Variants in STAMBPL1 observed in about 807,000 individuals in gnomAD.
The protein encoded by STAMBPL1 is STAM binding protein like 1, also known as AMSH-like protease.
Under a neutral mutation model 52.9 loss-of-function variants are expected in STAMBPL1, and 44 were observed. That is an observed-to-expected ratio of 0.83 (90% CI 0.65 to 1.07). The LOEUF (loss-of-function observed/expected upper bound fraction) is 1.07. Ranked by LOEUF, STAMBPL1 falls within the 50% of genes least tolerant of loss-of-function variation. The pLI is 0.00. For missense variants in STAMBPL1, 511 were observed against 520.8 expected (o/e 0.98, Z 0.18); for synonymous variants, 164 against 177.3 (o/e 0.92, Z 0.60).
chr10:88,917,858 A>T (rs1845408963), intron 8 of STAMBPL1, among the ~76,000 whole-genome samples: 1 of 152,144 alleles, frequency 6.6e-6, no homozygotes, highest in African/African-American at 2.4e-5. Flanking sequence ...ACCAGCATTG[A>T]TGTCTAGTGA....
At chr10:88,903,102 G>T (rs1287256797) in intron 2 of STAMBPL1, among the ~76,000 whole-genome samples, 1 of 152,090 alleles carries the variant, frequency 6.6e-6, no homozygotes, top group African/African-American at 2.4e-5. Context: ...AAATTTTATT[G>T]TATATGTCAC....
At chr10:88,896,853 T>TGCAC (rs60418672) in intron 1 of STAMBPL1, among the ~76,000 whole-genome samples, 8,106 of 151,122 alleles carry the variant, frequency 0.054, 558 homozygotes, top group African/African-American at 0.16. Flanking sequence ...CACACATACA[T>TGCAC]GCACGCACGC....
rs899092176 is a variant in STAMBPL1 at position 88,922,387 on chromosome 10, G to T, written c.1205G>T (p.Cys402Phe). 1.9e-6 allele frequency: 3 copies of T among 1,613,274 alleles called. No individual in the cohort carries two copies. The change falls in exon 10 of 11, where the codon TGT (cysteine) becomes TTT (phenylalanine). Residue 402 changes from cysteine (C) to phenylalanine (F), a missense_variant. Cys to Phe is a radical substitution (Grantham distance 205). Around this residue, in one of 3 missense-constraint regions of STAMBPL1, gnomAD observed 137 missense variants for 139.9 expected, o/e 0.98. Coordinates refer to ENST00000371926, the MANE Select transcript of STAMBPL1 (RefSeq NM_020799.4). ...TNAGMLEVSA[C>F]KKKGFHPHTK... is the part of the protein sequence containing the mutation. ...GCTGGCATGCTTGAGGTTTCTGCTT[G>T]TAAAAAAAAGGGCTTTCATCCACAC...
intron 5 of STAMBPL1, among the ~76,000 whole-genome samples, chr10:88,911,941 C>T (rs879857505): frequency 5.9e-5 from 9 of 152,144 alleles, no homozygotes; most frequent in South Asian, 2.1e-4. Flanking sequence ...CTCCTTTCCA[C>T]GGTCAGCAAT....
chr10:88,921,260 A>G, intron 8 of STAMBPL1, 23 bp from the exon 9 acceptor site: 2 of 1,588,416 alleles, frequency 1.3e-6, no homozygotes, highest in East Asian at 2.2e-5. Context: ...TCCTAGTAAG[A>G]TTATCTTATT....
intron 1 of STAMBPL1, among the ~76,000 whole-genome samples, chr10:88,890,127 C>T (rs973621468): frequency 1.3e-5 from 2 of 152,122 alleles, no homozygotes; most frequent in African/African-American, 4.8e-5. Context: ...GGATGGGGTG[C>T]CTTTGCATTG....
At chr10:88,918,199 C>T (rs1438989695) in intron 8 of STAMBPL1, among the ~76,000 whole-genome samples, 3 of 151,942 alleles carry the variant, frequency 2.0e-5, no homozygotes, top group African/African-American at 4.8e-5. Context: ...ATTCTGGGGA[C>T]CTCCAAGTGC....
chr10:88,887,936 C>T (rs1844579791), intron 1 of STAMBPL1, among the ~76,000 whole-genome samples: 1 of 152,186 alleles, frequency 6.6e-6, no homozygotes. Context: ...ATTCTTTCTT[C>T]TACTTTTATG....
chr10:88,914,684 A>ATATATATATATG (rs761315592), intron 7 of STAMBPL1, 26 bp downstream of exon 7: 20 of 1,001,452 alleles, frequency 2.0e-5, no homozygotes, highest in Admixed American at 8.2e-5. Context: ...ATAAATATAT[A>ATATATATATATG]TATATATATA....
In STAMBPL1 at chr10:88,910,785, T is replaced by G. The variant is rs138952259; in HGVS notation, c.325-131T>G. 460 of 556,430 alleles carry G rather than the reference T, an allele frequency of 8.3e-4. 4 individuals are homozygous for G. The African/African-American group carries it at 8.3e-3, about 10-fold the overall frequency. 34.5% of individuals were successfully genotyped at this position (556,430 alleles called of 1,614,324 possible). On this transcript the variant is annotated intron_variant, in intron 4 of 10. Transcript: ENST00000371926. The stretch of plus-strand genomic sequence containing the variant: ...GACCCATAAAAAAGAGATTTATTTT[T>G]CTGCCATCATCTTTGGTTACTCATG...
chr10:88,883,697 G>A (rs1265725468), intron 1 of STAMBPL1, among the ~76,000 whole-genome samples: 1 of 152,142 alleles, frequency 6.6e-6, no homozygotes, highest in African/African-American at 2.4e-5. Flanking sequence ...TTAAATCTGT[G>A]TTATTTTTTT....
At chr10:88,905,171 C>A (rs1359635078) in intron 2 of STAMBPL1, among the ~76,000 whole-genome samples, 1 of 152,138 alleles carries the variant, frequency 6.6e-6, no homozygotes, top group Non-Finnish European at 1.5e-5. Flanking sequence ...GAAACATTTG[C>A]ATACCCTGAA....
In STAMBPL1 at chr10:88,921,272, T is replaced by C; in HGVS notation, c.1042-11T>C. The C allele has an allele frequency of 6.2e-7, 1 of 1,604,726 alleles. No homozygotes were observed. The highest frequency in any genetic ancestry group is 8.5e-7 in the Non-Finnish European group (1 of 1,172,908). The stretch of plus-strand genomic sequence containing the variant: ...CTATCCTAGTAAGATTATCTTATTT[T>C]CTATTTATAGACACATCCCACTCAA... On this transcript the variant is annotated splice_polypyrimidine_tract_variant and intron_variant, in intron 8 of 10. Transcript: ENST00000371926.
chr10:88,899,154 A>G lies in STAMBPL1; in HGVS notation c.-53-2502A>G, dbSNP rs150386889. 5.8e-3 allele frequency among the ~76,000 whole-genome samples: 879 copies of G among 152,202 alleles called. 9 individuals carry two copies. Among genetic ancestry groups the G allele is most frequent in the African/African-American group, 0.019 (799 of 41,522 alleles). ...AACCTGATTTCTCTGGCCTTCCTAG[A>G]AGTTTGTGTTTTTTTTCATTATCCT... is the stretch of plus-strand genomic sequence containing the variant. On this transcript the variant is annotated intron_variant, in intron 1 of 10. Transcript: ENST00000371926.
At position 88,910,897 on chromosome 10, in the gene STAMBPL1, G is replaced by C. The variant is rs748590885; in HGVS notation, c.325-19G>C. On this transcript the variant is annotated intron_variant, in intron 4 of 10. Coordinates refer to ENST00000371926, the MANE Select transcript of STAMBPL1 (RefSeq NM_020799.4). ...TATTGAAAATCCCACTAATCAATAT[G>C]TATATATATTTTTAAAAGAAACTGA... The C allele has an allele frequency of 1.3e-6, 2 of 1,525,340 alleles. No individual in the cohort carries two copies. Among genetic ancestry groups the C allele is most frequent in the Middle Eastern group, 1.8e-4 (1 of 5,670 alleles). The allele number at this position is 1,525,340 out of a possible 1,614,324, so 94.5% of individuals were successfully genotyped here.
At chr10:88,910,260 C>T (rs1053900669) in intron 4 of STAMBPL1, among the ~76,000 whole-genome samples, 1 of 152,176 alleles carries the variant, frequency 6.6e-6, no homozygotes. Context: ...TGCATAATAC[C>T]GAACAGGACT....
At chr10:88,922,818 G>A (rs919899129) in intron 10 of STAMBPL1, among the ~76,000 whole-genome samples, 1 of 151,972 alleles carries the variant, frequency 6.6e-6, no homozygotes, top group Non-Finnish European at 1.5e-5. Context: ...CATAGCAATT[G>A]ATGGAAACTA....
intron 8 of STAMBPL1, among the ~76,000 whole-genome samples, chr10:88,918,370 A>G (rs1457014487): frequency 2.6e-5 from 4 of 151,848 alleles, no homozygotes; most frequent in African/African-American, 9.7e-5. Context: ...GGTACAGGAG[A>G]CTTTAGTCCC....
chr10:88,901,683 C>T lies in STAMBPL1; in HGVS notation c.-26C>T, dbSNP rs7907004. 2,906 of 1,605,732 alleles carry T rather than the reference C, an allele frequency of 1.8e-3. 43 individuals are homozygous for T. In the African/African-American group the frequency reaches 0.032, roughly 18 times the overall value. ...GAAGTGATTGAGAAGAAACAGTGAACATCCTCATTTCACAGATAAGACAAC... is the reference window on the plus strand; with the variant it reads ...GAAGTGATTGAGAAGAAACAGTGAATATCCTCATTTCACAGATAAGACAAC... On this transcript the variant is annotated 5_prime_UTR_variant, in exon 2 of 11. Coordinates refer to ENST00000371926, the MANE Select transcript of STAMBPL1 (RefSeq NM_020799.4).
Sources: allele counts gnomAD v4.1 joint callset (sites outside exome capture counted in the v4.1 genomes callset), GRCh38; gene constraint gnomAD v4.1.1; regional missense constraint gnomAD v4.1.1; transcripts MANE v1.5; gene names NCBI Gene and HGNC (gene_info 2026-07-23, HGNC 2026-07-21).